Variants in KDM3A observed in about 807,000 individuals in gnomAD.
KDM3A encodes lysine demethylase 3A, also known as lysine-specific demethylase 3A.
In KDM3A, 60 loss-of-function variants were observed where a neutral mutation model predicts 158.0. The observed-to-expected ratio is 0.38, with a 90% CI of 0.31 to 0.47. The LOEUF is 0.47. Ranked by LOEUF, KDM3A falls within the 20% of genes least tolerant of loss-of-function variation. The probability of loss-of-function intolerance (pLI) is 0.99; values close to 1 mark genes in which losing one functional copy is unlikely to be tolerated. For synonymous variants in KDM3A, 608 were observed against 549.3 expected, an observed-to-expected ratio of 1.11 and a Z score of -1.49; for missense variants, 1,319 against 1,574.3, an observed-to-expected ratio of 0.84 and a Z score of 2.74.
intron 15 of KDM3A, 161 bp downstream of exon 15, chr2:86,478,896 C>T: frequency 1.5e-6 from 1 of 654,522 alleles, no homozygotes; most frequent in Non-Finnish European, 2.5e-6. Flanking sequence ...TGTGACAGTT[C>T]AGAGACCCGT....
rs534786415 is a variant in KDM3A, at chr2:86,446,905, T to G, written c.187-2902T>G. Among the ~76,000 whole-genome samples the G allele has an allele frequency of 2.6e-5, 4 of 152,274 alleles. 1 individual carries two copies. In the East Asian group the frequency reaches 7.7e-4, roughly 29 times the overall value. On this transcript the variant is annotated intron_variant, in intron 2 of 25. Coordinates refer to ENST00000312912, the MANE Select transcript of KDM3A (RefSeq NM_018433.6). ...TAGCTGACTGCAGCCTCAACTTCCT[T>G]GGCTCAAGCAATTCTCCCACCTCAG...
chr2:86,468,805 C>T (rs755780257), intron 10 of KDM3A, among the ~76,000 whole-genome samples: 1 of 152,110 alleles, frequency 6.6e-6, no homozygotes, highest in Non-Finnish European at 1.5e-5. Flanking sequence ...CGGAAGTGGG[C>T]GTTGCATTTT....
chr2:86,474,643 G>A (rs1341782850), intron 11 of KDM3A, 133 bp from the exon 12 acceptor site: 8 of 616,380 alleles, frequency 1.3e-5, no homozygotes, highest in Non-Finnish European at 2.2e-5. Context: ...CAGCCTGGGT[G>A]ACAGAGCGAG....
intron 21 of KDM3A, chr2:86,488,979 G>A (rs1396256926): frequency 8.7e-6 from 2 of 229,642 alleles, no homozygotes; most frequent in East Asian, 2.3e-4. Flanking sequence ...CCCATCTCGA[G>A]TGGTCCTTGG....
intron 11 of KDM3A, among the ~76,000 whole-genome samples, chr2:86,473,445 CAG>C (rs1270678136): frequency 6.6e-6 from 1 of 152,116 alleles, no homozygotes; most frequent in Non-Finnish European, 1.5e-5. Context: ...TGTGCCTAGA[CAG>C]AATACTGTAC....
chr2:86,489,162 G>A (rs1674333471), intron 21 of KDM3A, 156 bp from the exon 22 acceptor site: 3 of 777,662 alleles, frequency 3.9e-6, no homozygotes, highest in East Asian at 2.7e-5. Flanking sequence ...CTAGCACATC[G>A]ATTGGTTAAA....
At chr2:86,454,986 T>C in intron 4 of KDM3A, 99 bp from the exon 5 acceptor site, 2 of 664,034 alleles carry the variant, frequency 3.0e-6, no homozygotes, top group Middle Eastern at 8.2e-4. Flanking sequence ...GACACTACTT[T>C]AACCCATTTG....
intron 16 of KDM3A, 51 bp from the exon 17 acceptor site, chr2:86,481,879 G>C: frequency 2.1e-6 from 3 of 1,411,580 alleles, no homozygotes; most frequent in Non-Finnish European, 3.0e-6. Context: ...ACTAATAAGG[G>C]ATTTGCCTTT....
At chr2:86,484,378 A>G (rs966411898) in intron 19 of KDM3A, among the ~76,000 whole-genome samples, 1 of 152,236 alleles carries the variant, frequency 6.6e-6, no homozygotes, top group African/African-American at 2.4e-5. Flanking sequence ...TGGACAGAAC[A>G]TCAGATAGGG....
rs774911851 is a variant in KDM3A, at chr2:86,484,099, A to G, written c.3035A>G (p.Asn1012Ser). The G allele has an allele frequency of 6.8e-6, 11 of 1,613,902 alleles. No individual in the cohort carries two copies. The South Asian group carries it at 8.8e-5, about 13-fold the overall frequency. The change falls in exon 19 of 26, where the codon AAT (asparagine) becomes AGT (serine). Residue 1012 changes from asparagine (N) to serine (S), a missense_variant. Transcript: ENST00000312912. ...QEVDLVNCRT[N>S]EIITGATVGD... is the part of the protein sequence containing the mutation. ...GTAGACCTAGTTAATTGTAGGACCAATGAAATCATCACAGGAGCCACAGTA... is the reference window on the plus strand; with the variant it reads ...GTAGACCTAGTTAATTGTAGGACCAGTGAAATCATCACAGGAGCCACAGTA...
upstream of KDM3A, among the ~76,000 whole-genome samples, chr2:86,438,359 G>A (rs1682525627): frequency 6.6e-6 from 1 of 152,038 alleles, no homozygotes; most frequent in African/African-American, 2.4e-5. Context: ...GGGGAGATTG[G>A]GTAGATGTTG....
At chr2:86,464,442 G>A (rs1673052181) in intron 9 of KDM3A, among the ~76,000 whole-genome samples, 1 of 152,142 alleles carries the variant, frequency 6.6e-6, no homozygotes, top group Non-Finnish European at 1.5e-5. Context: ...TCTTGATACA[G>A]TGTGAAGGAG....
At chr2:86,437,147 C>T, upstream of KDM3A, among the ~76,000 whole-genome samples, 1 of 147,842 alleles carries the variant, frequency 6.8e-6, no homozygotes, top group Non-Finnish European at 1.5e-5. Flanking sequence ...ACATTATATA[C>T]TTTTTTTTTT....
At chr2:86,469,176 A>G (rs1318810843) in intron 10 of KDM3A, among the ~76,000 whole-genome samples, 1 of 152,240 alleles carries the variant, frequency 6.6e-6, no homozygotes, top group Non-Finnish European at 1.5e-5. Context: ...GCTTTAAAAG[A>G]GAGGTAAGAT....
At position 86,449,736 on chromosome 2, in the gene KDM3A, C is replaced by G. The variant is rs1185110366; in HGVS notation, c.187-71C>G. The G allele has an allele frequency of 4.1e-6, 6 of 1,472,550 alleles. No individual in the cohort carries two copies. The East Asian group carries it at 1.2e-4, about 28-fold the overall frequency. 91.2% of individuals were successfully genotyped at this position (1,472,550 alleles called of 1,614,324 possible). A position where few individuals can be genotyped will look rare whatever the true frequency, so the allele number is the denominator to read the frequency against. On this transcript the variant is annotated intron_variant, in intron 2 of 25. Transcript: ENST00000312912. ...ATAGAATAATGAAGGTATAGTTCAG[C>G]TGGGGCATTTGTAATGCTTATTTTA...
intron 11 of KDM3A, among the ~76,000 whole-genome samples, chr2:86,472,524 AT>A (rs938120771): frequency 2.6e-5 from 4 of 152,006 alleles, no homozygotes; most frequent in African/African-American, 9.7e-5. Flanking sequence ...TTTCAAATTT[AT>A]TTTTTTGTGT....
upstream of KDM3A, among the ~76,000 whole-genome samples, chr2:86,438,796 CTGT>C (rs796320626): frequency 6.6e-6 from 1 of 151,960 alleles, no homozygotes; most frequent in African/African-American, 2.4e-5. Flanking sequence ...AACATATATA[CTGT>C]TGTTTTTGTA....
In KDM3A at chr2:86,481,985, C is replaced by T. The variant is rs781714421; in HGVS notation, c.2568C>T (p.Leu856=). ...LKNEIKCLPP[L]PPLSKSSTVL... ...ATGAAATCAAATGCCTTCCACCCCTCCCACCTTTAAGCAAATCCAGCACAG... is the reference window on the plus strand; with the variant it reads ...ATGAAATCAAATGCCTTCCACCCCTTCCACCTTTAAGCAAATCCAGCACAG... The change falls in exon 17 of 26, where the codon CTC becomes CTT. Residue 856 remains leucine (L), a synonymous_variant. Coordinates refer to ENST00000312912, the MANE Select transcript of KDM3A (RefSeq NM_018433.6). 18 of 1,613,906 alleles carry T rather than the reference C, an allele frequency of 1.1e-5. No individual in the cohort carries two copies. The highest frequency in any genetic ancestry group is 2.7e-5 in the African/African-American group (2 of 74,910).
intron 15 of KDM3A, chr2:86,479,907 A>T (rs1206857632): frequency 4.1e-6 from 2 of 482,076 alleles, no homozygotes; most frequent in Admixed American, 7.0e-5. Context: ...AGTAATAGGG[A>T]TATGTACCAG....
Sources: gnomAD v4.1 joint callset for allele counts (sites outside exome capture counted in the v4.1 genomes callset) on GRCh38, gnomAD v4.1.1 for gene constraint, MANE v1.5 for transcripts, NCBI Gene and HGNC (gene_info 2026-07-23, HGNC 2026-07-21) for gene names.